CRLF3: variants seen among roughly 807,000 people sequenced by gnomAD.
CRLF3 encodes the protein cytokine receptor like factor 3.
CRLF3 carries 33 observed loss-of-function variants against 55.0 expected under a neutral mutation model. The observed-to-expected ratio is 0.60, with a 90% CI of 0.46 to 0.80. The LOEUF is 0.80. Among genes scored for constraint, CRLF3 ranks in the 30% least tolerant of loss-of-function variants. The pLI, the probability that CRLF3 is intolerant of heterozygous loss-of-function variation, is 0.00. For missense variants in CRLF3, 494 were observed against 538.4 expected (o/e 0.92, Z 0.82); for synonymous variants, 238 against 196.8 (o/e 1.21, Z -1.75).
intron 5 of CRLF3, among the ~76,000 whole-genome samples, chr17:30,793,000 A>G (rs1971843792): frequency 2.0e-5 from 3 of 149,008 alleles, no homozygotes; most frequent in African/African-American, 7.5e-5. Context: ...CTAGAAAAAA[A>G]TAAAAAATTA....
At chr17:30,791,759 G>A (rs902575875) in intron 6 of CRLF3, among the ~76,000 whole-genome samples, 7 of 135,722 alleles carry the variant, frequency 5.2e-5, no homozygotes, top group Non-Finnish European at 8.0e-5. Flanking sequence ...CTCGTGATCC[G>A]CCCGCCTCAG....
intron 1 of CRLF3, among the ~76,000 whole-genome samples, chr17:30,818,539 C>T (rs1904882522): frequency 1.3e-5 from 2 of 150,526 alleles, no homozygotes; most frequent in African/African-American, 2.4e-5. Flanking sequence ...CCGCAACCTC[C>T]GTCTCCTGGG....
At chr17:30,789,058 T>C (rs1274741042) in intron 6 of CRLF3, among the ~76,000 whole-genome samples, 1 of 152,186 alleles carries the variant, frequency 6.6e-6, no homozygotes, top group African/African-American at 2.4e-5. Flanking sequence ...TTCACATCTC[T>C]GGCTTCACTG....
At chr17:30,810,765 G>A (rs1405604164) in intron 1 of CRLF3, among the ~76,000 whole-genome samples, 1 of 152,064 alleles carries the variant, frequency 6.6e-6, no homozygotes, top group East Asian at 1.9e-4. Flanking sequence ...AAACAACAGT[G>A]ACTGATATAT....
chr17:30,792,246 A>T, intron 6 of CRLF3, 194 bp downstream of exon 6: 1 of 502,102 alleles, frequency 2.0e-6, no homozygotes, highest in Non-Finnish European at 3.6e-6. Flanking sequence ...TACATTTCCC[A>T]GTTAATCTAC....
At chr17:30,792,303 TAAA>T in intron 6 of CRLF3, 134 bp downstream of exon 6, 2 of 698,022 alleles carry the variant, frequency 2.9e-6, no homozygotes, top group Non-Finnish European at 4.6e-6. Flanking sequence ...CTACAGGAAA[TAAA>T]GAAGCCTTCC....
chr17:30,804,257 T>C, intron 1 of CRLF3, 149 bp from the exon 2 acceptor site: 1 of 632,630 alleles, frequency 1.6e-6, no homozygotes, highest in Non-Finnish European at 2.7e-6. Flanking sequence ...TAAGGTGTGA[T>C]ATTTTGATAC....
At chr17:30,792,100 G>A (rs775675195) in intron 6 of CRLF3, among the ~76,000 whole-genome samples, 5 of 152,020 alleles carry the variant, frequency 3.3e-5, no homozygotes, top group Admixed American at 2.6e-4. Flanking sequence ...CACCTGCCTC[G>A]GCCTACCAAA....
At chr17:30,820,916 G>A (rs1173801519) in intron 1 of CRLF3, among the ~76,000 whole-genome samples, 1 of 151,732 alleles carries the variant, frequency 6.6e-6, no homozygotes, top group Non-Finnish European at 1.5e-5. Flanking sequence ...TTAGGCAGGT[G>A]TGGTGGTGTG....
chr17:30,795,033 CAT>C (rs1339514314), intron 4 of CRLF3, among the ~76,000 whole-genome samples: 4 of 151,994 alleles, frequency 2.6e-5, no homozygotes, highest in Non-Finnish European at 5.9e-5. Context: ...ACAAACTTCA[CAT>C]ATGTCCATAA....
rs115208663 is a variant in CRLF3, at chr17:30,792,341, C to T, written c.959+99G>A. On this transcript the variant is annotated intron_variant, in intron 6 of 7. Transcript: ENST00000324238. ...CCACAGTAACACTGCCTATAAATGA[C>T]GGAATAAACTCAGGATGTTTTGAAT... 1.8e-5 allele frequency: 20 copies of T among 1,142,404 alleles called. No homozygotes were observed. The African/African-American group carries it at 2.0e-4, about 11-fold the overall frequency. The allele number at this position is 1,142,404 out of a possible 1,614,324, so 70.8% of individuals were successfully genotyped here. A position where few individuals can be genotyped will look rare whatever the true frequency, so the allele number is the denominator to read the frequency against.
intron 1 of CRLF3, among the ~76,000 whole-genome samples, chr17:30,816,926 C>T (rs1411831636): frequency 6.6e-6 from 1 of 152,096 alleles, no homozygotes; most frequent in East Asian, 1.9e-4. Flanking sequence ...GCAGATGATA[C>T]CATCTAGGTT....
intron 2 of CRLF3, 115 bp from the exon 3 acceptor site, chr17:30,797,513 G>C: frequency 1.3e-6 from 1 of 770,282 alleles, no homozygotes; most frequent in Non-Finnish European, 2.2e-6. Context: ...CTTAAGTGAT[G>C]CCACAGTCAA....
chr17:30,800,296 A>T (rs1971986581), intron 2 of CRLF3, among the ~76,000 whole-genome samples: 1 of 152,106 alleles, frequency 6.6e-6, no homozygotes, highest in African/African-American at 2.4e-5. Flanking sequence ...ATAGATTCAG[A>T]TTTGATATAT....
At chr17:30,784,659 C>T (rs577223929) in intron 7 of CRLF3, 27 of 446,400 alleles carry the variant, frequency 6.0e-5, no homozygotes, top group Non-Finnish European at 9.9e-5. Context: ...AGAAACTTGA[C>T]AGTGTTACAA....
In CRLF3 at chr17:30,792,584, C is replaced by T. The variant is rs375056430; in HGVS notation, c.827-12G>A. On this transcript the variant is annotated splice_polypyrimidine_tract_variant and intron_variant, in intron 5 of 7. Coordinates refer to ENST00000324238, the MANE Select transcript of CRLF3 (RefSeq NM_015986.4). ...ACCAGCTGTCCACTCTTTTTCAAAG[C>T]AAAGATATTGAAAACTGTTAGAATC... is the stretch of plus-strand genomic sequence containing the variant. The T allele has an allele frequency of 2.6e-5, 41 of 1,587,664 alleles. No homozygotes were observed. In the African/African-American group the frequency reaches 4.7e-4, roughly 18 times the overall value.
At chr17:30,788,599 CTTT>C (rs1159336036) in intron 6 of CRLF3, among the ~76,000 whole-genome samples, 4,717 of 79,496 alleles carry the variant, frequency 0.059, 67 homozygotes, top group Non-Finnish European at 0.084. Context: ...GTAGTGCCTT[CTTT>C]TTTTTTTTTT....
At chr17:30,797,941 T>C (rs1047018805) in intron 2 of CRLF3, among the ~76,000 whole-genome samples, 3 of 55,854 alleles carry the variant, frequency 5.4e-5, no homozygotes, top group African/African-American at 1.6e-4. Context: ...TGCCCAGCTA[T>C]TTTTTTTTTT....
chr17:30,805,696 A>C (rs900234629), intron 1 of CRLF3, among the ~76,000 whole-genome samples: 1 of 148,746 alleles, frequency 6.7e-6, no homozygotes, highest in Non-Finnish European at 1.5e-5. Flanking sequence ...CCTGGGCAAC[A>C]GAGTGAGACT....
Sources: gnomAD v4.1 joint callset for allele counts (sites outside exome capture counted in the v4.1 genomes callset) on GRCh38, gnomAD v4.1.1 for gene constraint, MANE v1.5 for transcripts, NCBI Gene and HGNC (gene_info 2026-07-23, HGNC 2026-07-21) for gene names.